Variants in DPP10 observed in about 807,000 individuals in gnomAD.
DPP10 encodes the protein dipeptidyl peptidase like 10, also known as inactive dipeptidyl peptidase 10.
In DPP10, 33 loss-of-function variants were observed where a neutral mutation model predicts 120.9. That is an observed-to-expected ratio of 0.27 (90% CI 0.21 to 0.37). The LOEUF (loss-of-function observed/expected upper bound fraction) is 0.37, where lower values mean the gene tolerates loss of function less well. Among genes scored for constraint, DPP10 ranks in the 10% least tolerant of loss-of-function variants. The pLI is 1.00. For missense variants in DPP10, 816 were observed against 942.8 expected (o/e 0.87, Z 1.76); for synonymous variants, 337 against 326.1 (o/e 1.03, Z -0.36).
At chr2:115,354,739 C>T (rs1004771570) in intron 3 of DPP10, among the ~76,000 whole-genome samples, 3 of 151,896 alleles carry the variant, frequency 2.0e-5, no homozygotes, top group African/African-American at 7.3e-5. Context: ...TGTGTTGTTC[C>T]CCTCCCTGTG....
At chr2:114,859,490 T>C (rs556446468) in intron 1 of DPP10, among the ~76,000 whole-genome samples, 1 of 152,224 alleles carries the variant, frequency 6.6e-6, no homozygotes, top group East Asian at 1.9e-4. Flanking sequence ...TGAAAGTGGG[T>C]TTATATTTAT....
At chr2:114,521,894 G>A (rs551364019) in intron 1 of DPP10, among the ~76,000 whole-genome samples, 2 of 140,602 alleles carry the variant, frequency 1.4e-5, no homozygotes, top group African/African-American at 2.7e-5. Context: ...TGCAAGCTCC[G>A]CTTCCCGGGT....
intron 7 of DPP10, among the ~76,000 whole-genome samples, chr2:115,717,191 A>G (rs1049436470): frequency 1.3e-5 from 2 of 152,160 alleles, no homozygotes; most frequent in South Asian, 2.1e-4. Context: ...GAGGCTTTGA[A>G]GGTTAAACTG....
chr2:115,432,434 A>G (rs2071078602), intron 3 of DPP10, among the ~76,000 whole-genome samples: 1 of 152,062 alleles, frequency 6.6e-6, no homozygotes, highest in Admixed American at 6.6e-5. Context: ...CTGTCTAGCT[A>G]TATGAGGGAC....
chr2:115,074,471 G>A (rs1485144037), intron 1 of DPP10, among the ~76,000 whole-genome samples: 2 of 152,142 alleles, frequency 1.3e-5, no homozygotes, highest in Admixed American at 6.5e-5. Flanking sequence ...AGAATTTAGG[G>A]TACGTGAAGC....
chr2:114,981,825 T>C (rs953011985), intron 1 of DPP10, among the ~76,000 whole-genome samples: 11 of 151,878 alleles, frequency 7.2e-5, no homozygotes, highest in African/African-American at 2.4e-4. Context: ...CAGGCTGGTA[T>C]CAAACTCCTG....
chr2:115,157,858 G>C (rs2052028470), intron 1 of DPP10, among the ~76,000 whole-genome samples: 1 of 152,180 alleles, frequency 6.6e-6, no homozygotes, highest in African/African-American at 2.4e-5. Context: ...CAGAGGACTG[G>C]CTAATGCTAG....
At chr2:115,020,927 C>T (rs1422932296) in intron 1 of DPP10, among the ~76,000 whole-genome samples, 4 of 151,926 alleles carry the variant, frequency 2.6e-5, no homozygotes, top group African/African-American at 9.7e-5. Flanking sequence ...ATTCTTGGGT[C>T]CACAATAAAA....
At chr2:114,772,487 A>G (rs1681357076) in intron 1 of DPP10, among the ~76,000 whole-genome samples, 1 of 152,142 alleles carries the variant, frequency 6.6e-6, no homozygotes, top group Admixed American at 6.6e-5. Flanking sequence ...AAAAATCAAA[A>G]CAGAACATAT....
At chr2:114,955,030 C>A (rs1698095646) in intron 1 of DPP10, among the ~76,000 whole-genome samples, 1 of 152,168 alleles carries the variant, frequency 6.6e-6, no homozygotes, top group Non-Finnish European at 1.5e-5. Flanking sequence ...GGGTTCCAAT[C>A]CAGACCTCAA....
chr2:115,213,766 G>C (rs1049317222), intron 1 of DPP10, among the ~76,000 whole-genome samples: 1 of 152,108 alleles, frequency 6.6e-6, no homozygotes, highest in African/African-American at 2.4e-5. Flanking sequence ...AGTATGTCAA[G>C]ATGACTGGCA....
intron 1 of DPP10, among the ~76,000 whole-genome samples, chr2:114,545,526 C>T (rs1169222566): frequency 6.6e-6 from 1 of 152,208 alleles, no homozygotes; most frequent in East Asian, 1.9e-4. Context: ...GTCTTTCCAA[C>T]TGCCTTACCT....
intron 1 of DPP10, among the ~76,000 whole-genome samples, chr2:115,034,743 C>T (rs1331045250): frequency 1.3e-5 from 2 of 152,192 alleles, no homozygotes; most frequent in African/African-American, 2.4e-5. Context: ...CTCTTCCTCA[C>T]TTACTATATC....
intron 2 of DPP10, among the ~76,000 whole-genome samples, chr2:115,331,260 G>T (rs1286521364): frequency 6.6e-6 from 1 of 152,138 alleles, no homozygotes; most frequent in Non-Finnish European, 1.5e-5. Flanking sequence ...TGTGATTTTT[G>T]CACACTGATT....
intron 1 of DPP10, among the ~76,000 whole-genome samples, chr2:114,837,722 C>T (rs1448079510): frequency 1.3e-5 from 2 of 152,158 alleles, no homozygotes; most frequent in Admixed American, 1.3e-4. Context: ...ATATTTATTT[C>T]TCATGTGATC....
At chr2:115,280,957 G>A (rs2060133223) in intron 1 of DPP10, among the ~76,000 whole-genome samples, 1 of 152,134 alleles carries the variant, frequency 6.6e-6, no homozygotes, top group African/African-American at 2.4e-5. Context: ...CTTAAAAAGT[G>A]AAAAGGTTAA....
intron 1 of DPP10, among the ~76,000 whole-genome samples, chr2:114,855,593 C>T (rs986234812): frequency 6.6e-6 from 1 of 152,080 alleles, no homozygotes; most frequent in Non-Finnish European, 1.5e-5. Context: ...TGTGTGTGTG[C>T]GTTCTTCACA....
intron 1 of DPP10, among the ~76,000 whole-genome samples, chr2:115,105,882 A>G (rs1309593257): frequency 6.6e-6 from 1 of 152,178 alleles, no homozygotes; most frequent in Middle Eastern, 3.2e-3. Context: ...AAAATCATGC[A>G]GGCAAAAGAC....
intron 1 of DPP10, among the ~76,000 whole-genome samples, chr2:114,448,620 C>A: frequency 6.6e-6 from 1 of 152,074 alleles, no homozygotes; most frequent in East Asian, 1.9e-4. Context: ...TGATTCTGAT[C>A]CATATTGATG....
Sources: allele counts gnomAD v4.1 joint callset (sites outside exome capture counted in the v4.1 genomes callset), GRCh38; gene constraint gnomAD v4.1.1; transcripts MANE v1.5; gene names NCBI Gene and HGNC (gene_info 2026-07-23, HGNC 2026-07-21).